Variants in PDE5A observed in about 807,000 individuals in gnomAD.
PDE5A encodes phosphodiesterase 5A.
Under a neutral mutation model 110.2 loss-of-function variants are expected in PDE5A, and 67 were observed. The ratio of observed to expected loss-of-function variants is 0.61; its 90% CI spans 0.50 to 0.75. PDE5A has a LOEUF of 0.75. Ranked by LOEUF, PDE5A falls within the 30% of genes least tolerant of loss-of-function variation. PDE5A has a pLI of 0.00. For synonymous variants in PDE5A, 328 were observed against 351.2 expected (o/e 0.93, Z 0.74); for missense variants, 862 against 1,045.1 (o/e 0.82, Z 2.42).
At chr4:119,551,015 T>G (rs1188566716) in intron 9 of PDE5A, among the ~76,000 whole-genome samples, 1 of 152,158 alleles carries the variant, frequency 6.6e-6, no homozygotes, top group Non-Finnish European at 1.5e-5. Flanking sequence ...AAGAGTTGAC[T>G]CAACAGCCCA....
In PDE5A at chr4:119,571,811, A is replaced by G. The variant is rs1352857998; in HGVS notation, c.832-4667T>C. On this transcript the variant is annotated intron_variant, in intron 3 of 20. Transcript: ENST00000354960. ...ACTATGTAAATCCTCACTGTCTTTG[A>G]AGAACTTGACATCTCATTCCTAATC... 4.6e-5 allele frequency among the ~76,000 whole-genome samples: 7 copies of G among 152,148 alleles called. No individual in the cohort carries two copies. In the East Asian group the frequency reaches 1.3e-3, roughly 29 times the overall value.
chr4:119,625,450 C>T (rs1413877047), intron 1 of PDE5A, among the ~76,000 whole-genome samples: 1 of 152,160 alleles, frequency 6.6e-6, no homozygotes, highest in Non-Finnish European at 1.5e-5. Context: ...TCAATAACTA[C>T]CATTGAGTGT....
At chr4:119,593,001 T>TG in intron 3 of PDE5A, among the ~76,000 whole-genome samples, 1 of 62,804 alleles carries the variant, frequency 1.6e-5, no homozygotes, top group African/African-American at 4.4e-5. Flanking sequence ...TGGCTAAGAG[T>TG]GGGGTTACAT....
At chr4:119,613,255 A>G (rs1729818797) in intron 1 of PDE5A, among the ~76,000 whole-genome samples, 1 of 152,204 alleles carries the variant, frequency 6.6e-6, no homozygotes, top group Admixed American at 6.5e-5. Context: ...TTTTATTATT[A>G]ATAGCTCAAA....
At chr4:119,594,344 G>A (rs2389868) in intron 3 of PDE5A, among the ~76,000 whole-genome samples, 15,615 of 152,150 alleles carry the variant, frequency 0.1, 1,034 homozygotes, top group Non-Finnish European at 0.15. Context: ...GCATAATTCA[G>A]GCTGAATCCC....
intron 1 of PDE5A, among the ~76,000 whole-genome samples, chr4:119,610,924 T>A (rs1298332350): frequency 3.9e-5 from 6 of 152,162 alleles, no homozygotes; most frequent in Non-Finnish European, 7.3e-5. Context: ...GCAGCCACAG[T>A]AAATTTTCAG....
At chr4:119,579,250 A>T (rs1026114483) in intron 3 of PDE5A, among the ~76,000 whole-genome samples, 58 of 152,276 alleles carry the variant, frequency 3.8e-4, no homozygotes, top group African/African-American at 1.3e-3. Context: ...GGGACTGTAA[A>T]CTAGTTCAAT....
At chr4:119,551,706 GAT>G (rs33926198) in intron 9 of PDE5A, among the ~76,000 whole-genome samples, 147,939 of 152,174 alleles carry the variant, frequency 0.97, 72,045 homozygotes, top group East Asian at 1. Context: ...TTTCATTACT[GAT>G]ATACCCTCTG....
intron 2 of PDE5A, among the ~76,000 whole-genome samples, chr4:119,605,684 A>T (rs1051297064): frequency 6.6e-6 from 1 of 150,600 alleles, no homozygotes; most frequent in African/African-American, 2.4e-5. Context: ...TTCCCACTAG[A>T]TGTCCTATCC....
intron 3 of PDE5A, among the ~76,000 whole-genome samples, chr4:119,575,796 A>G (rs573612795): frequency 2.0e-4 from 31 of 152,360 alleles, no homozygotes; most frequent in African/African-American, 7.2e-4. Context: ...TAAAATAACC[A>G]GCTAACATTA....
At chr4:119,615,972 T>A (rs1484429075) in intron 1 of PDE5A, among the ~76,000 whole-genome samples, 2 of 152,196 alleles carry the variant, frequency 1.3e-5, no homozygotes, top group Non-Finnish European at 2.9e-5. Flanking sequence ...GAGTTTTACA[T>A]CACATCCATA....
At chr4:119,575,262 G>A (rs1728291687) in intron 3 of PDE5A, among the ~76,000 whole-genome samples, 1 of 152,192 alleles carries the variant, frequency 6.6e-6, no homozygotes, top group Non-Finnish European at 1.5e-5. Flanking sequence ...AAAACACTCT[G>A]CAGGATATTA....
intron 4 of PDE5A, among the ~76,000 whole-genome samples, chr4:119,566,617 C>T (rs1344949239): frequency 2.0e-5 from 3 of 152,140 alleles, no homozygotes; most frequent in East Asian, 3.8e-4. Context: ...CATACCTTGG[C>T]GCCCCACTGT....
intron 9 of PDE5A, among the ~76,000 whole-genome samples, chr4:119,547,517 T>C (rs935825971): frequency 3.9e-5 from 6 of 152,034 alleles, no homozygotes; most frequent in African/African-American, 1.4e-4. Context: ...TTCTAATTTC[T>C]ACGGTTGAAT....
chr4:119,500,991 T>C (rs755712342), intron 20 of PDE5A, 179 bp downstream of exon 20: 5 of 572,388 alleles, frequency 8.7e-6, no homozygotes, highest in Admixed American at 6.2e-5. Context: ...TCAATAGATA[T>C]TAGTATGTGT....
chr4:119,574,134 C>T (rs897172270), intron 3 of PDE5A, among the ~76,000 whole-genome samples: 3 of 151,532 alleles, frequency 2.0e-5, no homozygotes, highest in Admixed American at 6.6e-5. Flanking sequence ...CTTTCTACTA[C>T]TCCCCACAGG....
intron 14 of PDE5A, among the ~76,000 whole-genome samples, chr4:119,518,569 A>C (rs1175990226): frequency 6.6e-6 from 1 of 152,192 alleles, no homozygotes; most frequent in Non-Finnish European, 1.5e-5. Context: ...CATTTTACAG[A>C]TCAGGACATA....
intron 9 of PDE5A, chr4:119,548,551 A>G (rs1239023767): frequency 2.0e-5 from 3 of 152,198 alleles, no homozygotes; most frequent in Admixed American, 1.3e-4. Flanking sequence ...CATGTTGTAT[A>G]AAATGTGTCT....
intron 16 of PDE5A, among the ~76,000 whole-genome samples, chr4:119,507,034 G>C (rs1400162797): frequency 1.3e-5 from 2 of 151,966 alleles, no homozygotes; most frequent in African/African-American, 4.8e-5. Flanking sequence ...ATGCAGGAAA[G>C]TATTTTCTAG....
Sources: gnomAD v4.1 joint callset for allele counts (sites outside exome capture counted in the v4.1 genomes callset) on GRCh38, gnomAD v4.1.1 for gene constraint, MANE v1.5 for transcripts, NCBI Gene and HGNC (gene_info 2026-07-23, HGNC 2026-07-21) for gene names.